Variants in QTMAN observed in about 807,000 individuals in gnomAD.
QTMAN encodes queuosine-tRNA mannosyltransferase, also known as tRNA-queuosine alpha-mannosyltransferase.
At chr2:144,224,004 A>G in the QTMAN span, among the ~76,000 whole-genome samples, 919 of 152,350 alleles carry the variant, frequency 6.0e-3, 5 homozygotes, top group Non-Finnish European at 0.01. Flanking sequence ...TCAAAAATCA[A>G]TTAGAATACT....
chr2:144,173,770 G>A, the QTMAN span, among the ~76,000 whole-genome samples: 1 of 152,168 alleles, frequency 6.6e-6, no homozygotes, highest in Non-Finnish European at 1.5e-5. Flanking sequence ...CGTGAGAGGT[G>A]TTTGGATTGT....
chr2:144,032,843 G>C, the QTMAN span, among the ~76,000 whole-genome samples: 2 of 152,206 alleles, frequency 1.3e-5, no homozygotes, highest in African/African-American at 2.4e-5. Context: ...CTGGGATAAA[G>C]GGTGAGTGCA....
chr2:144,132,237 T>C, the QTMAN span, among the ~76,000 whole-genome samples: 1 of 151,980 alleles, frequency 6.6e-6, no homozygotes, highest in African/African-American at 2.4e-5. Flanking sequence ...ATTAAATTAC[T>C]GGGAAGTAAA....
chr2:144,159,113 T>TA, the QTMAN span, among the ~76,000 whole-genome samples: 1 of 152,000 alleles, frequency 6.6e-6, no homozygotes. Flanking sequence ...CTGCAGATCA[T>TA]AAAAAATAAT....
chr2:144,016,853 G>A, the QTMAN span, among the ~76,000 whole-genome samples: 1 of 152,100 alleles, frequency 6.6e-6, no homozygotes, highest in Non-Finnish European at 1.5e-5. Context: ...CCTGAACAGA[G>A]TATCAGAAAA....
At chr2:144,278,541 C>CTT in the QTMAN span, among the ~76,000 whole-genome samples, 2,456 of 137,742 alleles carry the variant, frequency 0.018, 68 homozygotes, top group African/African-American at 0.061. Flanking sequence ...TGTTTTCCTT[C>CTT]TTTTTTTTTT....
At chr2:144,167,065 C>T in the QTMAN span, among the ~76,000 whole-genome samples, 4 of 152,148 alleles carry the variant, frequency 2.6e-5, no homozygotes, top group Admixed American at 6.5e-5. Flanking sequence ...CTCTGCTTAG[C>T]ATTCCCTTTG....
the QTMAN span, among the ~76,000 whole-genome samples, chr2:143,970,146 C>T: frequency 1.3e-5 from 2 of 152,156 alleles, no homozygotes; most frequent in African/African-American, 4.8e-5. Flanking sequence ...CTGCTATCAG[C>T]TTCCGATTTT....
chr2:144,182,825 T>TA, the QTMAN span, among the ~76,000 whole-genome samples: 1 of 69,334 alleles, frequency 1.4e-5, no homozygotes, highest in Non-Finnish European at 2.5e-5. Context: ...ATATTATATA[T>TA]ATAATATATA....
the QTMAN span, among the ~76,000 whole-genome samples, chr2:143,978,898 G>T: frequency 5.5e-4 from 83 of 152,168 alleles, no homozygotes; most frequent in African/African-American, 2.0e-3. Context: ...CATTCAAAAC[G>T]CTTACTAGTT....
chr2:144,160,268 G>A, the QTMAN span, among the ~76,000 whole-genome samples: 37 of 152,194 alleles, frequency 2.4e-4, no homozygotes, highest in Admixed American at 2.4e-3. Flanking sequence ...TAAGTTTAAG[G>A]TGTCAGGGTC....
the QTMAN span, among the ~76,000 whole-genome samples, chr2:144,163,357 T>C: frequency 6.6e-6 from 1 of 152,158 alleles, no homozygotes; most frequent in Admixed American, 6.5e-5. Flanking sequence ...TTTTGAATTA[T>C]TTGATTTAAA....
the QTMAN span, among the ~76,000 whole-genome samples, chr2:144,310,249 G>A: frequency 6.6e-6 from 1 of 152,188 alleles, no homozygotes; most frequent in Non-Finnish European, 1.5e-5. Flanking sequence ...CCCAAGGCCA[G>A]CTATTCCAGA....
At chr2:144,011,564 T>A in the QTMAN span, 3 of 951,602 alleles carry the variant, frequency 3.2e-6, no homozygotes, top group Non-Finnish European at 3.7e-6. Flanking sequence ...AATTAACCCA[T>A]CCAGAACATT....
At chr2:144,010,080 A>G in the QTMAN span, among the ~76,000 whole-genome samples, 7 of 139,362 alleles carry the variant, frequency 5.0e-5, no homozygotes, top group South Asian at 2.3e-4. Flanking sequence ...AAAAAAAAAG[A>G]AAAAAAAAAT....
chr2:144,091,807 A>G, the QTMAN span, among the ~76,000 whole-genome samples: 1 of 152,228 alleles, frequency 6.6e-6, no homozygotes, highest in Non-Finnish European at 1.5e-5. Context: ...ACGTGGATAA[A>G]CAAATTGTGG....
At chr2:144,020,558 C>A in the QTMAN span, among the ~76,000 whole-genome samples, 1 of 152,200 alleles carries the variant, frequency 6.6e-6, no homozygotes, top group African/African-American at 2.4e-5. Flanking sequence ...AAAGAGCACC[C>A]TGTAACACAT....
the QTMAN span, among the ~76,000 whole-genome samples, chr2:144,320,357 T>C: frequency 6.6e-6 from 1 of 152,192 alleles, no homozygotes; most frequent in Admixed American, 6.5e-5. Flanking sequence ...TGATACCTAG[T>C]GTATGTCACA....
the QTMAN span, among the ~76,000 whole-genome samples, chr2:144,222,721 T>G: frequency 6.6e-6 from 1 of 151,958 alleles, no homozygotes; most frequent in Admixed American, 6.6e-5. Context: ...GGCAGGAGAA[T>G]GGAGTGAACC....
Sources: allele counts gnomAD v4.1 joint callset (sites outside exome capture counted in the v4.1 genomes callset), GRCh38; gene constraint gnomAD v4.1.1; transcripts MANE v1.5; gene names NCBI Gene and HGNC (gene_info 2026-07-23, HGNC 2026-07-21).